Variants in NDUFV2 observed in about 807,000 individuals in gnomAD.
NDUFV2 encodes the protein NADH dehydrogenase [ubiquinone] flavoprotein 2, mitochondrial.
Under a neutral mutation model 31.6 loss-of-function variants are expected in NDUFV2, and 18 were observed. The ratio of observed to expected loss-of-function variants is 0.57; its 90% CI spans 0.39 to 0.84. The LOEUF is 0.84. Ranked by LOEUF, NDUFV2 falls within the 40% of genes least tolerant of loss-of-function variation. The probability of loss-of-function intolerance (pLI) is 0.00; values close to 1 mark genes in which losing one functional copy is unlikely to be tolerated. For synonymous variants in NDUFV2, 83 were observed against 99.8 expected (o/e 0.83, Z 1.01); for missense variants, 314 against 303.6 (o/e 1.03, Z -0.26).
chr18:9,110,871 C>T (rs534517637), intron 1 of NDUFV2, among the ~76,000 whole-genome samples: 47 of 152,184 alleles, frequency 3.1e-4, no homozygotes, highest in East Asian at 9.6e-4. Context: ...AGGTCGACTT[C>T]GGACTTTGAA....
chr18:9,126,957 C>A, intron 7 of NDUFV2, 50 bp downstream of exon 7: 1 of 1,437,260 alleles, frequency 7.0e-7, no homozygotes, highest in Non-Finnish European at 9.8e-7. Context: ...CTAAATTAAT[C>A]TTTCAGATAA....
chr18:9,104,216 G>A (rs745810818), intron 1 of NDUFV2: 2 of 1,612,600 alleles, frequency 1.2e-6, no homozygotes, highest in Non-Finnish European at 1.7e-6. Flanking sequence ...GCCACCCTCT[G>A]CTGTTGGAGG....
intron 1 of NDUFV2, among the ~76,000 whole-genome samples, chr18:9,111,108 T>C (rs1428654542): frequency 1.3e-5 from 2 of 152,194 alleles, no homozygotes; most frequent in African/African-American, 4.8e-5. Flanking sequence ...AGACCTACTA[T>C]GTTCTTTTAA....
intron 1 of NDUFV2, among the ~76,000 whole-genome samples, chr18:9,113,071 AAAG>A (rs2077879870): frequency 6.6e-6 from 1 of 152,238 alleles, no homozygotes; most frequent in African/African-American, 2.4e-5. Flanking sequence ...AAAACAGTTA[AAAG>A]CTCAGCTCCA....
chr18:9,127,526 C>A (rs1272263439), intron 7 of NDUFV2, among the ~76,000 whole-genome samples: 2 of 152,194 alleles, frequency 1.3e-5, no homozygotes, highest in African/African-American at 4.8e-5. Flanking sequence ...TACAGTGGCG[C>A]AGTGGCACAA....
intron 7 of NDUFV2, among the ~76,000 whole-genome samples, chr18:9,129,862 A>G (rs2078024708): frequency 1.3e-5 from 2 of 152,212 alleles, no homozygotes; most frequent in African/African-American, 4.8e-5. Flanking sequence ...AGGGAATGGA[A>G]TGAGCAATCT....
chr18:9,104,078 G>T, intron 1 of NDUFV2: 1 of 1,508,852 alleles, frequency 6.6e-7, no homozygotes, highest in Non-Finnish European at 9.1e-7. Flanking sequence ...ATCCAATGTG[G>T]TTTCAAGGTG....
At chr18:9,107,280 T>C (rs1020990470) in intron 1 of NDUFV2, among the ~76,000 whole-genome samples, 3 of 152,210 alleles carry the variant, frequency 2.0e-5, no homozygotes, top group Non-Finnish European at 4.4e-5. Context: ...TGACTTTCCT[T>C]TCTCTTTGGG....
In NDUFV2 at chr18:9,122,582, C is replaced by T. The variant is rs756471675; in HGVS notation, c.370C>T (p.Arg124Ter). The T allele has an allele frequency of 3.1e-6, 5 of 1,613,946 alleles. No individual in the cohort carries two copies. Among genetic ancestry groups the T allele is most frequent in the African/African-American group, 1.3e-5 (1 of 75,016 alleles). Residue 124 changes from arginine to a stop codon, truncating the protein, a stop_gained, in exon 5 of 8, where the codon CGA becomes TGA. Transcript: ENST00000318388. LOFTEE classifies it high-confidence loss of function. The part of the protein sequence containing the change: ...EVATFYTMYN[R>*]KPVGKYHIQV... ...AGCAACTTTTTATACAATGTATAAT[C>T]GAAAGCCAGTTGGAAAGTATCACAT...
At chr18:9,112,416 A>T (rs1053476361) in intron 1 of NDUFV2, 3 of 152,252 alleles carry the variant, frequency 2.0e-5, no homozygotes, top group African/African-American at 7.2e-5. Context: ...ATGCACAGAC[A>T]TGAAATAATG....
chr18:9,108,526 G>C (rs2077853018), intron 1 of NDUFV2, among the ~76,000 whole-genome samples: 1 of 152,046 alleles, frequency 6.6e-6, no homozygotes, highest in Non-Finnish European at 1.5e-5. Flanking sequence ...CTTGCTGAGA[G>C]GAATAAATGG....
intron 1 of NDUFV2, chr18:9,103,899 A>G (rs940607521): frequency 1.7e-5 from 7 of 417,988 alleles, no homozygotes; most frequent in African/African-American, 1.4e-4. Context: ...CGAGTTAAAT[A>G]TCTACATTCC....
chr18:9,127,164 C>T (rs1335246205), intron 7 of NDUFV2, among the ~76,000 whole-genome samples: 1 of 152,088 alleles, frequency 6.6e-6, no homozygotes, highest in Non-Finnish European at 1.5e-5. Flanking sequence ...TTTAAAAGTT[C>T]ATACTGATAG....
chr18:9,125,598 T>G (rs761157553), intron 6 of NDUFV2, among the ~76,000 whole-genome samples: 1 of 152,058 alleles, frequency 6.6e-6, no homozygotes, highest in African/African-American at 2.4e-5. Flanking sequence ...AAAAATGTTC[T>G]TAATATCCAT....
At chr18:9,107,000 T>TCTCC (rs2077845160) in intron 1 of NDUFV2, among the ~76,000 whole-genome samples, 1 of 151,804 alleles carries the variant, frequency 6.6e-6, no homozygotes, top group South Asian at 2.1e-4. Context: ...TCCAGGATAA[T>TCTCC]CTCCCTATTT....
chr18:9,103,886 C>CA, intron 1 of NDUFV2: 1 of 383,896 alleles, frequency 2.6e-6, no homozygotes, highest in Non-Finnish European at 4.7e-6. Flanking sequence ...GTATGCCAAG[C>CA]ACCGAGTTAA....
chr18:9,117,914 A>G lies in NDUFV2; in HGVS notation c.120+11A>G. ...GGAGCTTTATTTGTGGTAAGTAATTACTTAGATTTCTTTGGAAAGAAAAGA... is the reference window on the plus strand; with the variant it reads ...GGAGCTTTATTTGTGGTAAGTAATTGCTTAGATTTCTTTGGAAAGAAAAGA... On this transcript the variant is annotated intron_variant, in intron 2 of 7. Coordinates refer to ENST00000318388, the MANE Select transcript of NDUFV2 (RefSeq NM_021074.5). 1 of 1,564,786 alleles carries G rather than the reference A, an allele frequency of 6.4e-7. No homozygotes were observed. Among genetic ancestry groups the G allele is most frequent in the East Asian group, 2.2e-5 (1 of 44,568 alleles).
intron 6 of NDUFV2, chr18:9,126,504 C>T (rs2077991997): frequency 1.5e-5 from 3 of 194,302 alleles, no homozygotes; most frequent in South Asian, 2.1e-4. Context: ...CAGCTGCAGG[C>T]TCTTGTTGCA....
At chr18:9,128,655 T>C (rs1396997947) in intron 7 of NDUFV2, among the ~76,000 whole-genome samples, 1 of 152,206 alleles carries the variant, frequency 6.6e-6, no homozygotes, top group South Asian at 2.1e-4. Flanking sequence ...CCCTTACTTA[T>C]TCTTGCTTTA....
Sources: gnomAD v4.1 joint callset for allele counts (sites outside exome capture counted in the v4.1 genomes callset) on GRCh38, gnomAD v4.1.1 for gene constraint, MANE v1.5 for transcripts, NCBI Gene and HGNC (gene_info 2026-07-23, HGNC 2026-07-21) for gene names.